The following SCOC variants were observed in gnomAD, a reference collection of about 807,000 sequenced individuals.
The protein encoded by SCOC is short coiled-coil protein.
SCOC carries 7 observed loss-of-function variants against 9.9 expected under a neutral mutation model. The observed-to-expected ratio is 0.71, with a 90% CI of 0.40 to 1.33. The LOEUF is 1.33. Among genes scored for constraint, SCOC ranks in the 40% most tolerant of loss-of-function variants. SCOC has a pLI of 0.01. For synonymous variants in SCOC, 19 were observed against 28.2 expected (o/e 0.67, Z 1.03); for missense variants, 66 against 89.7 (o/e 0.74, Z 1.07).
At chr4:140,325,434 C>T (rs1294877996) in intron 1 of SCOC, among the ~76,000 whole-genome samples, 2 of 152,214 alleles carry the variant, frequency 1.3e-5, no homozygotes, top group African/African-American at 2.4e-5. Flanking sequence ...GACAAAGACT[C>T]GTTTCCAGAG....
intron 1 of SCOC, among the ~76,000 whole-genome samples, chr4:140,297,552 C>A (rs1018620228): frequency 2.0e-5 from 3 of 152,138 alleles, no homozygotes; most frequent in African/African-American, 7.2e-5. Context: ...CCTTTCCTTC[C>A]TCTCCATCCT....
At chr4:140,280,443 T>C (rs560459765) in intron 1 of SCOC, among the ~76,000 whole-genome samples, 1 of 152,300 alleles carries the variant, frequency 6.6e-6, no homozygotes, top group South Asian at 2.1e-4. Context: ...TGTGATTTTT[T>C]ACTCACCACT....
chr4:140,272,224 T>G (rs1289059560), intron 1 of SCOC, among the ~76,000 whole-genome samples: 1 of 146,536 alleles, frequency 6.8e-6, no homozygotes, highest in Non-Finnish European at 1.5e-5. Flanking sequence ...TACCTTTAAT[T>G]TTTTTTTTTT....
chr4:140,337,535 C>G (rs1322293613), intron 1 of SCOC, among the ~76,000 whole-genome samples: 4 of 151,862 alleles, frequency 2.6e-5, no homozygotes, highest in Non-Finnish European at 5.9e-5. Flanking sequence ...CATCTATGGC[C>G]AATTGAATTA....
At chr4:140,274,457 A>G (rs1730931016) in intron 1 of SCOC, among the ~76,000 whole-genome samples, 1 of 152,134 alleles carries the variant, frequency 6.6e-6, no homozygotes, top group Non-Finnish European at 1.5e-5. Flanking sequence ...GGGGCTCCTG[A>G]TGAAGGCAAA....
chr4:140,295,752 AC>A (rs1209503667), intron 1 of SCOC, among the ~76,000 whole-genome samples: 1 of 151,422 alleles, frequency 6.6e-6, no homozygotes, highest in Non-Finnish European at 1.5e-5. Context: ...CCACGATGAA[AC>A]CCCGTCTCTA....
chr4:140,309,337 C>A (rs17005720), intron 1 of SCOC, among the ~76,000 whole-genome samples: 2,583 of 152,312 alleles, frequency 0.017, 45 homozygotes, highest in South Asian at 0.085. Context: ...ATGGAAGACC[C>A]AAAGACAATG....
At chr4:140,262,325 T>C (rs1730650156) in intron 1 of SCOC, among the ~76,000 whole-genome samples, 1 of 152,152 alleles carries the variant, frequency 6.6e-6, no homozygotes, top group Non-Finnish European at 1.5e-5. Context: ...TGCTGAAGAT[T>C]GAGGAGAAAC....
At chr4:140,318,111 A>G (rs1732385848) in intron 1 of SCOC, among the ~76,000 whole-genome samples, 1 of 151,774 alleles carries the variant, frequency 6.6e-6, no homozygotes, top group Non-Finnish European at 1.5e-5. Context: ...CGTTAGACCT[A>G]AAACCATAAA....
intron 2 of SCOC, among the ~76,000 whole-genome samples, chr4:140,357,062 C>T (rs983281896): frequency 6.6e-6 from 1 of 152,104 alleles, no homozygotes; most frequent in Non-Finnish European, 1.5e-5. Flanking sequence ...CTTCGCCTCC[C>T]AGGTTCAAGC....
chr4:140,349,389 T>C (rs1726881210), intron 2 of SCOC, among the ~76,000 whole-genome samples: 1 of 152,200 alleles, frequency 6.6e-6, no homozygotes, highest in South Asian at 2.1e-4. Context: ...ATCCTAGTTT[T>C]AAAAACAATA....
At chr4:140,349,117 C>G (rs1726867848) in intron 2 of SCOC, among the ~76,000 whole-genome samples, 1 of 152,130 alleles carries the variant, frequency 6.6e-6, no homozygotes, top group Admixed American at 6.5e-5. Flanking sequence ...GTTTACTTTC[C>G]TCTTAACTCT....
chr4:140,293,046 G>A (rs572323849), intron 1 of SCOC, among the ~76,000 whole-genome samples: 4 of 152,304 alleles, frequency 2.6e-5, no homozygotes, highest in Admixed American at 1.3e-4. Context: ...ACTGCTCTTG[G>A]TTTCTCACGA....
chr4:140,376,555 C>A (rs900087500), intron 1 of SCOC: 6 of 152,184 alleles, frequency 3.9e-5, no homozygotes, highest in Non-Finnish European at 7.4e-5. Context: ...TAGCACTGTT[C>A]TTGTGGCACT....
chr4:140,277,434 G>C (rs566810240), intron 1 of SCOC, among the ~76,000 whole-genome samples: 1 of 151,998 alleles, frequency 6.6e-6, no homozygotes, highest in Non-Finnish European at 1.5e-5. Flanking sequence ...CCTATTCTTC[G>C]TGCTATTCCA....
At chr4:140,323,566 T>C (rs1732561343) in intron 1 of SCOC, among the ~76,000 whole-genome samples, 1 of 152,096 alleles carries the variant, frequency 6.6e-6, no homozygotes, top group South Asian at 2.1e-4. Context: ...TCACTACTGA[T>C]CTCACAGACA....
At chr4:140,289,888 C>A (rs1731416636) in intron 1 of SCOC, among the ~76,000 whole-genome samples, 1 of 152,208 alleles carries the variant, frequency 6.6e-6, no homozygotes, top group African/African-American at 2.4e-5. Flanking sequence ...TTGTTCAGTA[C>A]CTCTTCTGTG....
chr4:140,316,200 G>A (rs1732313124), intron 1 of SCOC, among the ~76,000 whole-genome samples: 1 of 152,096 alleles, frequency 6.6e-6, no homozygotes, highest in Non-Finnish European at 1.5e-5. Flanking sequence ...TCTCTCAATT[G>A]TTCACTCTGG....
chr4:140,291,528 G>C, intron 1 of SCOC: 1 of 457,296 alleles, frequency 2.2e-6, no homozygotes, highest in South Asian at 1.5e-5. Flanking sequence ...GGTCTCCTGG[G>C]ACTGTATTAT....
Sources: allele counts gnomAD v4.1 joint callset (sites outside exome capture counted in the v4.1 genomes callset), GRCh38; gene constraint gnomAD v4.1.1; transcripts MANE v1.5; gene names NCBI Gene and HGNC (gene_info 2026-07-23, HGNC 2026-07-21).